The following TTK variants were observed in gnomAD, a reference collection of about 807,000 sequenced individuals.
The protein encoded by TTK is TTK protein kinase.
In TTK, 59 loss-of-function variants were observed where a neutral mutation model predicts 117.3. That is an observed-to-expected ratio of 0.50 (90% CI 0.41 to 0.62). The LOEUF is 0.62. Among genes scored for constraint, TTK ranks in the 20% least tolerant of loss-of-function variants. TTK has a pLI of 0.00. For missense variants in TTK, 921 were observed against 989.4 expected, an observed-to-expected ratio of 0.93 and a Z score of 0.93; for synonymous variants, 302 against 325.0, an observed-to-expected ratio of 0.93 and a Z score of 0.76.
intron 13 of TTK, among the ~76,000 whole-genome samples, chr6:80,028,831 T>C (rs755075543): frequency 4.6e-4 from 70 of 152,288 alleles, no homozygotes; most frequent in Non-Finnish European, 8.4e-4. Context: ...TAGAGGCAGC[T>C]TAATACTGGT....
intron 10 of TTK, among the ~76,000 whole-genome samples, chr6:80,018,343 C>T (rs533823703): frequency 2.6e-5 from 4 of 151,816 alleles, no homozygotes; most frequent in Admixed American, 6.6e-5. Context: ...TGGCCGGGCA[C>T]GGTGGCTCAC....
Position 80,008,365 on chromosome 6 carries a change from G to T in TTK, c.363-21G>T. The T allele has an allele frequency of 1.9e-6, 3 of 1,592,206 alleles. No homozygotes were observed. The South Asian group carries it at 3.5e-5, about 18-fold the overall frequency. ...AGCTATGTTCTTTTTCTTAAATTTT[G>T]ACTCAAATCTTTTATTACAGTATTC... On this transcript the variant is annotated intron_variant, in intron 3 of 21. Coordinates refer to ENST00000369798, the MANE Select transcript of TTK (RefSeq NM_003318.5).
At chr6:80,030,535 C>G (rs886139653) in intron 13 of TTK, among the ~76,000 whole-genome samples, 16 of 152,216 alleles carry the variant, frequency 1.1e-4, no homozygotes, top group African/African-American at 3.1e-4. Flanking sequence ...TGGTTGGCTT[C>G]TGGGGAGGCC....
rs754779138 is a variant in TTK, at chr6:80,031,475, ATCT to A, written c.1536_1538del (p.Ser513del). On this transcript the variant is annotated inframe_deletion, in exon 14 of 22. Coordinates refer to ENST00000369798, the MANE Select transcript of TTK (RefSeq NM_003318.5). ...ATATTTTACTTATTTAGGTTTTAGC[ATCT>A]TCTTCAGCAAATGAATGCATTTCGG... 3.1e-5 allele frequency: 47 copies of A among 1,500,024 alleles called. No homozygotes were observed. Among genetic ancestry groups the A allele is most frequent in the South Asian group, 1.5e-4 (10 of 67,468 alleles). The allele number at this position is 1,500,024 out of a possible 1,614,324, so 92.9% of individuals were successfully genotyped here.
chr6:80,027,833 CTTATTTG>C, intron 12 of TTK, 45 bp from the exon 13 acceptor site: 1 of 1,357,494 alleles, frequency 7.4e-7, no homozygotes, highest in East Asian at 2.6e-5. Context: ...CTGAATCAGA[CTTATTTG>C]TTAAATTGTA....
rs1392514269 is a variant in TTK, at chr6:80,031,494, T to G, written c.1549T>G (p.Cys517Gly). ...QVLASSSANE[C>G]ISVKGRIYSI... ...TTTAGCATCTTCTTCAGCAAATGAA[T>G]GCATTTCGGTTAAAGGAAGAATTTA... Residue 517 changes from cysteine to glycine, a missense_variant, in exon 14 of 22, where the codon TGC (cysteine) becomes GGC (glycine). Transcript: ENST00000369798. 1.3e-6 allele frequency: 2 copies of G among 1,519,738 alleles called. No individual in the cohort carries two copies. Among genetic ancestry groups the G allele is most frequent in the Non-Finnish European group, 8.8e-7 (1 of 1,139,912 alleles). The allele number at this position is 1,519,738 out of a possible 1,614,324, so 94.1% of individuals were successfully genotyped here.
chr6:80,028,128 C>T (rs1767655097), intron 13 of TTK, 117 bp downstream of exon 13: 1 of 1,175,432 alleles, frequency 8.5e-7, no homozygotes, highest in Non-Finnish European at 1.1e-6. Flanking sequence ...TTCTTATTTC[C>T]ACTAGACAAA....
At chr6:80,018,626 CAAAAAAAAAAA>C (rs398048650) in intron 10 of TTK, among the ~76,000 whole-genome samples, 5 of 87,368 alleles carry the variant, frequency 5.7e-5, no homozygotes, top group Non-Finnish European at 1.2e-4. Flanking sequence ...GACTCCGTCT[CAAAAAAAAAAA>C]AAAAAAAAAA....
intron 11 of TTK, among the ~76,000 whole-genome samples, 166 bp downstream of exon 11, chr6:80,022,638 C>G (rs1767492024): frequency 6.6e-6 from 1 of 152,186 alleles, no homozygotes; most frequent in South Asian, 2.1e-4. Context: ...CAGTAGCAGT[C>G]ATACGTTCAG....
At chr6:80,028,144 T>C in intron 13 of TTK, 133 bp downstream of exon 13, 1 of 959,180 alleles carries the variant, frequency 1.0e-6, no homozygotes, top group Non-Finnish European at 1.4e-6. Context: ...ACAAAACTTT[T>C]CTGATATTCT....
chr6:80,041,640 A>G (rs1768051690), intron 21 of TTK, among the ~76,000 whole-genome samples: 2 of 151,608 alleles, frequency 1.3e-5, no homozygotes, highest in South Asian at 2.1e-4. Context: ...TGCCATCTTC[A>G]TAAGTTAGAT....
Position 80,042,179 on chromosome 6 carries a change from G to GAA in TTK, c.2559_2560dup (p.Arg854LysfsTer40). ...TAATTCTTCATCCTCCAAGACTTTTGAAAAAAAAAGGGGAAAAAAATGATT... is the reference window on the plus strand; with the variant it reads ...TAATTCTTCATCCTCCAAGACTTTTGAAAAAAAAAAAGGGGAAAAAAATGATT... On this transcript the variant is annotated frameshift_variant, in exon 22 of 22. Coordinates refer to ENST00000369798, the MANE Select transcript of TTK (RefSeq NM_003318.5). LOFTEE classifies it high-confidence loss of function. The GAA allele has an allele frequency of 5.1e-6, 8 of 1,559,784 alleles. No individual in the cohort carries two copies. Among genetic ancestry groups the GAA allele is most frequent in the South Asian group, 2.3e-5 (2 of 85,518 alleles).
Position 80,012,090 on chromosome 6 carries a change from CAGTTTTAGAAGA to C in TTK, c.896+111_896+122del, listed in dbSNP as rs1767176374. On this transcript the variant is annotated intron_variant, in intron 8 of 21. Transcript: ENST00000369798. ...TAGTAATTATGATTAAATTTTTATT[CAGTTTTAGAAGA>C]TAATCTCTAAATGTTGTCAGGAACA... The C allele has an allele frequency of 1.9e-5, 16 of 841,410 alleles. No individual in the cohort carries two copies. In the African/African-American group the frequency reaches 2.8e-4, roughly 15 times the overall value. 52.1% of individuals were successfully genotyped at this position (841,410 alleles called of 1,614,324 possible).
At chr6:80,005,294 T>A (rs750345192) in intron 1 of TTK, among the ~76,000 whole-genome samples, 1 of 152,176 alleles carries the variant, frequency 6.6e-6, no homozygotes, top group Non-Finnish European at 1.5e-5. Context: ...TTTCTTAGTG[T>A]TAGATTAAGG....
intron 20 of TTK, 94 bp downstream of exon 20, chr6:80,040,374 A>G (rs530665262): frequency 1.8e-6 from 2 of 1,118,166 alleles, no homozygotes; most frequent in East Asian, 5.2e-5. Flanking sequence ...TAAATTGGCT[A>G]CCCTTTGTCA....
At chr6:80,019,415 A>T (rs759245732) in intron 10 of TTK, among the ~76,000 whole-genome samples, 2 of 152,130 alleles carry the variant, frequency 1.3e-5, no homozygotes, top group Non-Finnish European at 2.9e-5. Flanking sequence ...CCATAAGATA[A>T]TTTTTTCTTA....
rs2230512 is a variant in TTK at position 80,039,837 on chromosome 6, G to C, written c.2272G>C (p.Asp758His). ...IDPNHEIEFPDIPEKDLQDVL... is the reference protein window; with the variant it reads ...IDPNHEIEFPHIPEKDLQDVL... ...TCCTAATCATGAAATTGAATTTCCC[G>C]ATATTCCAGAGAAAGATCTTCAAGA... The change falls in exon 19 of 22, where the codon GAT (aspartate) becomes CAT (histidine). Residue 758 changes from aspartate to histidine, a missense_variant. Physicochemically the swap from Asp to His is moderately conservative, Grantham distance 81. Transcript: ENST00000369798. 2.5e-6 allele frequency: 4 copies of C among 1,581,010 alleles called. No individual in the cohort carries two copies. Among genetic ancestry groups the C allele is most frequent in the Non-Finnish European group, 3.4e-6 (4 of 1,166,190 alleles).
intron 10 of TTK, among the ~76,000 whole-genome samples, chr6:80,021,935 G>GA (rs937334284): frequency 9.9e-5 from 15 of 150,830 alleles, no homozygotes; most frequent in African/African-American, 1.5e-4. Flanking sequence ...AAGCAAAAAG[G>GA]AAAAAAAAAT....
Position 80,011,929 on chromosome 6 carries a change from C to T in TTK, c.845C>T (p.Pro282Leu), listed in dbSNP as rs1319384309. 1.5e-5 allele frequency: 24 copies of T among 1,612,334 alleles called. No homozygotes were observed. The highest frequency in any genetic ancestry group is 1.9e-5 in the Non-Finnish European group (22 of 1,179,056). The change falls in exon 8 of 22, where the codon CCA becomes CTA. Residue 282 changes from proline to leucine, a missense_variant. Coordinates refer to ENST00000369798, the MANE Select transcript of TTK (RefSeq NM_003318.5). Reference sequence around the variant, plus strand: ...GTCCCAGTTAACCTTCTAAATAGCCCAGATTGTGATGTGAAGACAGATGAT... The same window carrying T: ...GTCCCAGTTAACCTTCTAAATAGCCTAGATTGTGATGTGAAGACAGATGAT... Reference protein sequence around the residue: ...GRVPVNLLNSPDCDVKTDDSV... With the variant: ...GRVPVNLLNSLDCDVKTDDSV...
Sources: gnomAD v4.1 joint callset for allele counts (sites outside exome capture counted in the v4.1 genomes callset) on GRCh38, gnomAD v4.1.1 for gene constraint, MANE v1.5 for transcripts, NCBI Gene and HGNC (gene_info 2026-07-23, HGNC 2026-07-21) for gene names.